The following EYS variants were observed in gnomAD, a reference collection of about 807,000 sequenced individuals.
EYS encodes the protein protein eyes shut homolog.
EYS carries 250 observed loss-of-function variants against 282.1 expected under a neutral mutation model. The ratio of observed to expected loss-of-function variants is 0.89; its 90% confidence interval spans 0.80 to 0.98. The LOEUF is 0.98. EYS is among the 50% of genes least tolerant of loss of function. The pLI is 0.00. For missense variants in EYS, 4,016 were observed against 3,709.0 expected, an observed-to-expected ratio of 1.08 and a Z score of -2.15; for synonymous variants, 1,355 against 1,282.9, an observed-to-expected ratio of 1.06 and a Z score of -1.20.
intron 15 of EYS, among the ~76,000 whole-genome samples, chr6:64,919,501 A>C (rs190816649): frequency 6.7e-6 from 1 of 150,334 alleles, no homozygotes; most frequent in South Asian, 2.1e-4. Context: ...ATATTAATAG[A>C]AAAAGGATTT....
rs191298016 is a variant in EYS at position 65,449,603 on chromosome 6, T to C, written c.862+40991A>G. On this transcript the variant is annotated intron_variant, in intron 5 of 42. Transcript: ENST00000503581. ...GGAATTTCATTTTGGTCAGATTCAATTGTGAGACAAAATCAAACAAAATCA... is the reference window on the plus strand; with the variant it reads ...GGAATTTCATTTTGGTCAGATTCAACTGTGAGACAAAATCAAACAAAATCA... 2.3e-3 allele frequency among the ~76,000 whole-genome samples: 345 copies of C among 152,198 alleles called. 1 individual carries two copies. The highest frequency in any genetic ancestry group is 8.0e-3 in the African/African-American group (334 of 41,552).
chr6:63,997,264 G>A lies in EYS; in HGVS notation c.6834+1811C>T, dbSNP rs114230034. 1.7e-3 allele frequency among the ~76,000 whole-genome samples: 258 copies of A among 152,286 alleles called. 1 individual carries two copies. Among genetic ancestry groups the A allele is most frequent in the African/African-American group, 6.0e-3 (249 of 41,568 alleles). ...CACTTAGGTGCTCTTTCTCAGACAA[G>A]ATCCTGCCAGAACTTGGAGAGAAAG... On this transcript the variant is annotated intron_variant, in intron 34 of 42. Transcript: ENST00000503581.
chr6:64,035,365 T>C (rs1279531428), intron 33 of EYS, among the ~76,000 whole-genome samples: 3 of 152,282 alleles, frequency 2.0e-5, no homozygotes, highest in East Asian at 1.9e-4. Flanking sequence ...TTAGATGTGA[T>C]GGTAAATGCA....
intron 14 of EYS, among the ~76,000 whole-genome samples, chr6:64,956,821 A>G (rs1769721130): frequency 6.6e-6 from 1 of 152,220 alleles, no homozygotes. Context: ...AATGGCAAAC[A>G]GGCATATGAA....
At chr6:64,262,853 C>A (rs553789461) in intron 30 of EYS, among the ~76,000 whole-genome samples, 1 of 152,006 alleles carries the variant, frequency 6.6e-6, no homozygotes, top group Admixed American at 6.6e-5. Context: ...CTGGTGAATT[C>A]TTTTGTTAGG....
In EYS at chr6:64,105,781, C is replaced by A. The variant is rs189922761; in HGVS notation, c.6425-23779G>T. 1.3e-4 allele frequency among the ~76,000 whole-genome samples: 20 copies of A among 152,254 alleles called. No homozygotes were observed. The East Asian group carries it at 3.9e-3, about 29-fold the overall frequency. On this transcript the variant is annotated intron_variant, in intron 31 of 42. Coordinates refer to ENST00000503581, the MANE Select transcript of EYS (RefSeq NM_001142800.2). ...CATGATAGCTCATTTCTCTTTAGCA[C>A]TGAATAGTATTCCACTGTCTGGATC...
At chr6:64,785,485 C>G (rs1279235842) in intron 22 of EYS, among the ~76,000 whole-genome samples, 2 of 152,170 alleles carry the variant, frequency 1.3e-5, no homozygotes, top group Non-Finnish European at 2.9e-5. Flanking sequence ...TCCTACAGCT[C>G]TTTGTTAGAC....
intron 14 of EYS, among the ~76,000 whole-genome samples, chr6:64,989,111 A>G: frequency 6.6e-6 from 1 of 151,294 alleles, no homozygotes; most frequent in Non-Finnish European, 1.5e-5. Flanking sequence ...TAATTTGTGT[A>G]ACAATTCCAC....
At chr6:65,299,642 T>C (rs1768761733) in intron 11 of EYS, among the ~76,000 whole-genome samples, 1 of 152,188 alleles carries the variant, frequency 6.6e-6, no homozygotes, top group South Asian at 2.1e-4. Flanking sequence ...AAATATTTCT[T>C]ATAGAATAAC....
intron 11 of EYS, chr6:65,331,231 A>C (rs879692293): frequency 1.6e-5 from 11 of 690,552 alleles, no homozygotes; most frequent in African/African-American, 1.9e-5. Flanking sequence ...TTAATTTGGG[A>C]AGAATTAATA....
rs1562248534 is a variant in EYS, at chr6:65,540,684, C to T, written c.-332-44691G>A. 2.6e-5 allele frequency among the ~76,000 whole-genome samples: 4 copies of T among 151,920 alleles called. No individual in the cohort carries two copies. The South Asian group carries it at 6.2e-4, about 24-fold the overall frequency. Reference sequence around the variant, plus strand: ...CTGTAATCCCAGCACTTTGGGAGGCCGAGGCGGGCAGATTACCTGAGGTCA... The same window carrying T: ...CTGTAATCCCAGCACTTTGGGAGGCTGAGGCGGGCAGATTACCTGAGGTCA... On this transcript the variant is annotated intron_variant, in intron 2 of 42. Transcript: ENST00000503581.
At chr6:64,611,654 C>T (rs1049119712) in intron 24 of EYS, among the ~76,000 whole-genome samples, 3 of 152,068 alleles carry the variant, frequency 2.0e-5, no homozygotes, top group African/African-American at 7.2e-5. Context: ...CAAATTTCAC[C>T]CGAATAAGAG....
intron 12 of EYS, among the ~76,000 whole-genome samples, chr6:65,067,692 A>G (rs1773787070): frequency 6.6e-6 from 1 of 152,138 alleles, no homozygotes; most frequent in African/African-American, 2.4e-5. Context: ...AATATTTGCA[A>G]GTAATGTCTC....
chr6:63,952,117 A>G (rs1765622058), intron 35 of EYS, among the ~76,000 whole-genome samples: 1 of 152,202 alleles, frequency 6.6e-6, no homozygotes, highest in African/African-American at 2.4e-5. Context: ...AAGAACTTCA[A>G]AATGCCTAAG....
At chr6:64,080,457 C>T (rs1169719011) in intron 32 of EYS, among the ~76,000 whole-genome samples, 5 of 152,014 alleles carry the variant, frequency 3.3e-5, no homozygotes, top group Admixed American at 1.3e-4. Context: ...TGGATATTAG[C>T]CCTTTGTCAG....
chr6:65,079,879 C>T (rs142461628), intron 12 of EYS, among the ~76,000 whole-genome samples: 1 of 151,974 alleles, frequency 6.6e-6, no homozygotes, highest in African/African-American at 2.4e-5. Flanking sequence ...TCTCAACAAC[C>T]AGAAAATTTG....
intron 28 of EYS, among the ~76,000 whole-genome samples, chr6:64,422,230 A>G (rs565797152): frequency 2.0e-5 from 3 of 152,230 alleles, no homozygotes; most frequent in African/African-American, 7.2e-5. Flanking sequence ...ATTGAAGGGA[A>G]GACTTCATGT....
At chr6:65,414,130 C>T (rs190844647) in intron 5 of EYS, among the ~76,000 whole-genome samples, 6 of 152,148 alleles carry the variant, frequency 3.9e-5, no homozygotes, top group Admixed American at 3.9e-4. Context: ...AGCATATCAA[C>T]AGAGAAAACA....
At chr6:64,373,172 T>C (rs1407971112) in intron 29 of EYS, among the ~76,000 whole-genome samples, 1 of 152,228 alleles carries the variant, frequency 6.6e-6, no homozygotes, top group African/African-American at 2.4e-5. Flanking sequence ...TGTGCTGTTT[T>C]TTCCTTATTT....
Sources: gnomAD v4.1 joint callset for allele counts (sites outside exome capture counted in the v4.1 genomes callset) on GRCh38, gnomAD v4.1.1 for gene constraint, MANE v1.5 for transcripts, NCBI Gene and HGNC (gene_info 2026-07-23, HGNC 2026-07-21) for gene names.